SNTG1: variants seen among roughly 807,000 people sequenced by gnomAD.
The protein encoded by SNTG1 is gamma-1-syntrophin.
SNTG1 carries 39 observed loss-of-function variants against 74.7 expected under a neutral mutation model. That is an observed-to-expected ratio of 0.52 (90% confidence interval 0.40 to 0.68). The LOEUF (loss-of-function observed/expected upper bound fraction) is 0.68. Ranked by LOEUF, SNTG1 falls within the 30% of genes least tolerant of loss-of-function variation. The pLI, the probability that SNTG1 is intolerant of heterozygous loss-of-function variation, is 0.00. For synonymous variants in SNTG1, 254 were observed against 217.1 expected (o/e 1.17, Z -1.49); for missense variants, 685 against 609.5 (o/e 1.12, Z -1.30).
chr8:50,387,428 C>T (rs2092592662), intron 2 of SNTG1, among the ~76,000 whole-genome samples: 1 of 152,092 alleles, frequency 6.6e-6, no homozygotes, highest in Non-Finnish European at 1.5e-5. Flanking sequence ...ACTCTTAAGT[C>T]ATCTGTTAAC....
At chr8:50,750,601 C>T (rs1189162146) in intron 17 of SNTG1, among the ~76,000 whole-genome samples, 5 of 152,072 alleles carry the variant, frequency 3.3e-5, no homozygotes, top group African/African-American at 1.2e-4. Flanking sequence ...CAGCAATCAC[C>T]ATCCTGATGA....
At chr8:50,180,620 C>T (rs1406029041) in intron 2 of SNTG1, among the ~76,000 whole-genome samples, 1 of 152,186 alleles carries the variant, frequency 6.6e-6, no homozygotes, top group Middle Eastern at 3.4e-3. Context: ...TTATACAAAA[C>T]CCAAACATAA....
At chr8:50,580,663 T>A (rs923142699) in intron 12 of SNTG1, among the ~76,000 whole-genome samples, 3 of 152,198 alleles carry the variant, frequency 2.0e-5, no homozygotes, top group African/African-American at 7.2e-5. Flanking sequence ...TGCTTGGCAC[T>A]TCTCCTTGCT....
chr8:50,295,350 T>G (rs2089312285), intron 2 of SNTG1, among the ~76,000 whole-genome samples: 1 of 152,226 alleles, frequency 6.6e-6, no homozygotes, highest in African/African-American at 2.4e-5. Flanking sequence ...ATAATACTTC[T>G]ATATCTCTAC....
chr8:50,450,441 A>G, intron 6 of SNTG1, 115 bp from the exon 7 acceptor site: 3 of 1,083,224 alleles, frequency 2.8e-6, no homozygotes, highest in Non-Finnish European at 4.0e-6. Context: ...GATGCTAACC[A>G]TATAAGACAC....
intron 1 of SNTG1, among the ~76,000 whole-genome samples, chr8:49,912,916 T>A: frequency 6.6e-6 from 1 of 152,200 alleles, no homozygotes; most frequent in East Asian, 1.9e-4. Flanking sequence ...AACTTATTAG[T>A]TCTGCAAAAT....
At chr8:49,954,240 AATG>A (rs1809970827) in intron 1 of SNTG1, among the ~76,000 whole-genome samples, 1 of 152,192 alleles carries the variant, frequency 6.6e-6, no homozygotes. Flanking sequence ...AACTTAAATG[AATG>A]TTATTGTCTT....
chr8:50,477,432 C>A (rs74640203), intron 8 of SNTG1, among the ~76,000 whole-genome samples: 1 of 151,948 alleles, frequency 6.6e-6, no homozygotes, highest in Non-Finnish European at 1.5e-5. Context: ...GAAAAAAATA[C>A]AATTCAGGAA....
At chr8:50,452,438 T>C (rs957213963) in intron 8 of SNTG1, among the ~76,000 whole-genome samples, 3 of 152,206 alleles carry the variant, frequency 2.0e-5, no homozygotes, top group African/African-American at 7.2e-5. Flanking sequence ...AAGTACAAAG[T>C]GATTTTAAAC....
chr8:50,616,829 T>C (rs2094888274), intron 13 of SNTG1, among the ~76,000 whole-genome samples: 1 of 152,216 alleles, frequency 6.6e-6, no homozygotes, highest in Admixed American at 6.5e-5. Context: ...TTAAATACCC[T>C]GCCTTCTGCA....
chr8:50,053,234 A>G (rs1047404582), intron 1 of SNTG1, among the ~76,000 whole-genome samples: 10 of 152,196 alleles, frequency 6.6e-5, no homozygotes, highest in African/African-American at 2.4e-4. Context: ...TTACAAGGGA[A>G]TAGTCTTTGT....
At chr8:50,236,414 A>G (rs2085898161) in intron 2 of SNTG1, among the ~76,000 whole-genome samples, 1 of 151,888 alleles carries the variant, frequency 6.6e-6, no homozygotes, top group African/African-American at 2.4e-5. Flanking sequence ...AGGTGATAAA[A>G]AGCTCTGAAT....
At chr8:50,348,943 G>C (rs561270843) in intron 2 of SNTG1, among the ~76,000 whole-genome samples, 1 of 152,280 alleles carries the variant, frequency 6.6e-6, no homozygotes, top group East Asian at 1.9e-4. Flanking sequence ...GATTACAACA[G>C]CCTACCCTGT....
At chr8:50,735,571 G>T (rs1418857598) in intron 17 of SNTG1, among the ~76,000 whole-genome samples, 1 of 151,822 alleles carries the variant, frequency 6.6e-6, no homozygotes, top group Non-Finnish European at 1.5e-5. Flanking sequence ...CAAGATTAGA[G>T]AAAAAAGAAT....
intron 8 of SNTG1, among the ~76,000 whole-genome samples, chr8:50,461,245 G>T (rs548022915): frequency 7.0e-6 from 1 of 142,968 alleles, no homozygotes; most frequent in Non-Finnish European, 1.5e-5. Context: ...GGAAGACCAC[G>T]GAGTGAAATT....
intron 1 of SNTG1, among the ~76,000 whole-genome samples, chr8:50,104,348 T>C (rs1044525994): frequency 1.3e-5 from 2 of 152,232 alleles, no homozygotes; most frequent in African/African-American, 2.4e-5. Flanking sequence ...TTTATTTGCA[T>C]AGAGGTGTTT....
chr8:50,564,165 C>G (rs1319395626), intron 12 of SNTG1, among the ~76,000 whole-genome samples: 2 of 151,548 alleles, frequency 1.3e-5, no homozygotes, highest in Non-Finnish European at 2.9e-5. Flanking sequence ...TTCTGTTTCT[C>G]TCTGACATGT....
At chr8:50,124,790 A>C (rs1245080035) in intron 1 of SNTG1, among the ~76,000 whole-genome samples, 4 of 141,164 alleles carry the variant, frequency 2.8e-5, no homozygotes, top group Non-Finnish European at 6.3e-5. Flanking sequence ...AATTGGCCCT[A>C]GTAATTGAAG....
At chr8:49,925,903 G>T (rs1043062913) in intron 1 of SNTG1, among the ~76,000 whole-genome samples, 2 of 152,150 alleles carry the variant, frequency 1.3e-5, no homozygotes, top group Non-Finnish European at 2.9e-5. Context: ...TCATGTACAA[G>T]TAATTGTTAT....
Sources: allele counts gnomAD v4.1 joint callset (sites outside exome capture counted in the v4.1 genomes callset), GRCh38; gene constraint gnomAD v4.1.1; transcripts MANE v1.5; gene names NCBI Gene and HGNC (gene_info 2026-07-23, HGNC 2026-07-21).